Variants in NRXN1 observed in about 807,000 individuals in gnomAD.
The protein encoded by NRXN1 is neurexin 1.
A neutral mutation model predicts 150.9 loss-of-function variants in NRXN1; 39 were observed. The observed-to-expected ratio is 0.26, with a 90% CI of 0.20 to 0.34. The LOEUF is 0.34. NRXN1 is among the 10% of genes least tolerant of loss of function. The pLI is 1.00. For missense variants in NRXN1, 1,815 were observed against 1,949.9 expected (o/e 0.93, Z 1.30); for synonymous variants, 924 against 757.0 (o/e 1.22, Z -3.62).
chr2:50,312,803 C>A (rs1182265297), intron 17 of NRXN1: 1 of 506,562 alleles, frequency 2.0e-6, no homozygotes, highest in Non-Finnish European at 4.0e-6. Flanking sequence ...TAAACAAAAA[C>A]AAACAATGGT....
At chr2:50,299,664 C>T (rs1279097079) in intron 17 of NRXN1, among the ~76,000 whole-genome samples, 1 of 152,040 alleles carries the variant, frequency 6.6e-6, no homozygotes, top group Non-Finnish European at 1.5e-5. Context: ...TTTTATTATT[C>T]AAATTGTTCT....
intron 8 of NRXN1, among the ~76,000 whole-genome samples, chr2:50,600,498 T>C (rs759315256): frequency 6.6e-6 from 1 of 152,012 alleles, no homozygotes; most frequent in Non-Finnish European, 1.5e-5. Context: ...CTAATTTTTG[T>C]GTTTTTAATA....
intron 15 of NRXN1, among the ~76,000 whole-genome samples, chr2:50,492,039 T>C (rs1259897025): frequency 6.6e-6 from 1 of 152,150 alleles, no homozygotes; most frequent in Non-Finnish European, 1.5e-5. Context: ...CCCATATATA[T>C]GCACATCCTA....
rs182540862 is a variant in NRXN1, at chr2:50,305,598, C to T, written c.3365-68628G>A. ...GTCATTAACAATTAATACTAAATAT[C>T]CAATGCCCCAAATCTCCTTTGGTCC... On this transcript the variant is annotated intron_variant, in intron 17 of 22. Coordinates refer to ENST00000401669, the MANE Select transcript of NRXN1 (RefSeq NM_001330078.2). Among the ~76,000 whole-genome samples, 223 of 152,252 alleles carry T rather than the reference C, an allele frequency of 1.5e-3. 4 individuals carry two copies. Among genetic ancestry groups the T allele is most frequent in the African/African-American group, 5.2e-3 (214 of 41,542 alleles).
chr2:50,134,013 G>A (rs1250117038), intron 18 of NRXN1, among the ~76,000 whole-genome samples: 2 of 152,110 alleles, frequency 1.3e-5, no homozygotes, highest in Non-Finnish European at 2.9e-5. Flanking sequence ...CTGGTTACCT[G>A]AATGTAACTA....
At chr2:50,884,959 A>T (rs1680005072) in intron 5 of NRXN1, among the ~76,000 whole-genome samples, 1 of 151,682 alleles carries the variant, frequency 6.6e-6, no homozygotes, top group South Asian at 2.1e-4. Flanking sequence ...CTTTGCAAAT[A>T]ACTTGTGGAA....
chr2:50,569,073 T>C (rs1031055028), intron 8 of NRXN1, among the ~76,000 whole-genome samples: 3 of 152,116 alleles, frequency 2.0e-5, no homozygotes, highest in African/African-American at 7.2e-5. Flanking sequence ...TTTTCACCTA[T>C]TTCTGGGAGC....
chr2:50,423,763 T>C (rs542184506), intron 17 of NRXN1, among the ~76,000 whole-genome samples: 3 of 152,026 alleles, frequency 2.0e-5, no homozygotes, highest in African/African-American at 7.2e-5. Flanking sequence ...TTCACTGTTA[T>C]TCAGGAAAAG....
chr2:50,481,314 G>C (rs535851491), intron 15 of NRXN1, among the ~76,000 whole-genome samples: 5 of 152,132 alleles, frequency 3.3e-5, no homozygotes, highest in Non-Finnish European at 7.3e-5. Flanking sequence ...ATCCAAGCAA[G>C]CTAACAAATT....
At chr2:50,945,164 G>T (rs923754224) in intron 2 of NRXN1, among the ~76,000 whole-genome samples, 1 of 152,172 alleles carries the variant, frequency 6.6e-6, no homozygotes, top group African/African-American at 2.4e-5. Flanking sequence ...TGGGAAAGCA[G>T]TTACAAATAA....
chr2:50,340,311 A>G (rs2077464396), intron 17 of NRXN1, among the ~76,000 whole-genome samples: 1 of 152,210 alleles, frequency 6.6e-6, no homozygotes, highest in South Asian at 2.1e-4. Flanking sequence ...GGAATATTTT[A>G]AAAGGCCATT....
intron 21 of NRXN1, among the ~76,000 whole-genome samples, chr2:50,038,671 G>A (rs1188822545): frequency 6.6e-6 from 1 of 152,064 alleles, no homozygotes; most frequent in African/African-American, 2.4e-5. Flanking sequence ...GGGATAATTT[G>A]TTATACAGGA....
rs573130608 is a variant in NRXN1 at position 50,559,965 on chromosome 2, T to C, written c.1321-6940A>G. On this transcript the variant is annotated intron_variant, in intron 8 of 22. Transcript: ENST00000401669. The stretch of plus-strand genomic sequence containing the variant: ...GTTGGTGCTTTCCACAAAAAACAAC[T>C]GTAGCCTCCAAAAATTAGTATTTTA... Among the ~76,000 whole-genome samples the C allele has an allele frequency of 1.4e-4, 22 of 152,314 alleles. No individual in the cohort carries two copies. The East Asian group carries it at 4.2e-3, about 29-fold the overall frequency.
At chr2:50,024,384 T>C (rs1394494293) in intron 21 of NRXN1, among the ~76,000 whole-genome samples, 1 of 152,176 alleles carries the variant, frequency 6.6e-6, no homozygotes, top group African/African-American at 2.4e-5. Context: ...AAACTCAAGA[T>C]AATAAAAAGG....
intron 8 of NRXN1, among the ~76,000 whole-genome samples, chr2:50,581,841 G>A (rs1009162651): frequency 2.0e-5 from 3 of 152,124 alleles, no homozygotes; most frequent in Non-Finnish European, 4.4e-5. Flanking sequence ...AGAGCATACA[G>A]TTACTTAGAG....
At chr2:50,129,528 G>A (rs1705151466) in intron 18 of NRXN1, among the ~76,000 whole-genome samples, 1 of 152,084 alleles carries the variant, frequency 6.6e-6, no homozygotes, top group Admixed American at 6.6e-5. Flanking sequence ...AAGAGAATTA[G>A]CAAGTTAAAG....
chr2:50,078,449 C>T (rs1247224271), intron 19 of NRXN1, among the ~76,000 whole-genome samples: 3 of 151,470 alleles, frequency 2.0e-5, no homozygotes, highest in Admixed American at 6.6e-5. Flanking sequence ...AATTAAATAA[C>T]CATTAGGCAG....
At chr2:51,013,001 A>G (rs2105208149) in intron 2 of NRXN1, among the ~76,000 whole-genome samples, 1 of 152,194 alleles carries the variant, frequency 6.6e-6, no homozygotes. Flanking sequence ...AAGAACAATT[A>G]CATAGGATAT....
chr2:50,828,304 G>A lies in NRXN1; in HGVS notation c.832+93565C>T, dbSNP rs1465612936. ...CCCCCACCTCCCTCCCGGACGGGGC[G>A]GCTGGCCGGGAGGGGGCTGAACCCC... On this transcript the variant is annotated intron_variant, in intron 5 of 22. Transcript: ENST00000401669. Among the ~76,000 whole-genome samples the A allele has an allele frequency of 1.6e-4, 3 of 18,334 alleles. No individual in the cohort carries two copies. In the South Asian group the frequency reaches 0.011, roughly 66 times the overall value. The allele number at this position is 18,334 out of a possible 152,430, so 12.0% of individuals were successfully genotyped here.
Sources: gnomAD v4.1 joint callset for allele counts (sites outside exome capture counted in the v4.1 genomes callset) on GRCh38, gnomAD v4.1.1 for gene constraint, MANE v1.5 for transcripts, NCBI Gene and HGNC (gene_info 2026-07-23, HGNC 2026-07-21) for gene names.